CCDC66: variants seen among roughly 807,000 people sequenced by gnomAD.
CCDC66 encodes coiled-coil domain containing 66.
A neutral mutation model predicts 128.3 loss-of-function variants in CCDC66; 133 were observed. The observed-to-expected ratio is 1.04, with a 90% CI of 0.90 to 1.20. The LOEUF (loss-of-function observed/expected upper bound fraction) is 1.20, where lower values mean the gene tolerates loss of function less well. CCDC66 is among the 50% of genes most tolerant of loss of function. The pLI, the probability that CCDC66 is intolerant of heterozygous loss-of-function variation, is 0.00. For synonymous variants in CCDC66, 387 were observed against 357.0 expected (o/e 1.08, Z -0.95); for missense variants, 1,126 against 1,075.5 (o/e 1.05, Z -0.66).
chr3:56,601,599 C>G (rs2073181311), intron 10 of CCDC66, among the ~76,000 whole-genome samples: 1 of 152,026 alleles, frequency 6.6e-6, no homozygotes, highest in African/African-American at 2.4e-5. Context: ...TTCTTCCTAT[C>G]CATGAGTATG....
intron 10 of CCDC66, among the ~76,000 whole-genome samples, chr3:56,596,208 C>T (rs1183384231): frequency 6.6e-5 from 10 of 152,146 alleles, no homozygotes; most frequent in African/African-American, 1.2e-4. Context: ...CATGAGCCAC[C>T]GGGCCCAGCA....
chr3:56,591,824 G>A (rs2070954519), intron 7 of CCDC66, among the ~76,000 whole-genome samples: 1 of 152,116 alleles, frequency 6.6e-6, no homozygotes, highest in African/African-American at 2.4e-5. Flanking sequence ...TGAGCTTTGT[G>A]ATCTTTTCTG....
intron 6 of CCDC66, chr3:56,569,906 C>T (rs1295832881): frequency 6.6e-6 from 1 of 152,232 alleles, no homozygotes; most frequent in African/African-American, 2.4e-5. Context: ...ACCATCTCAG[C>T]TCACTGCAAC....
At chr3:56,573,464 A>G (rs1390089915) in intron 7 of CCDC66, among the ~76,000 whole-genome samples, 1 of 152,240 alleles carries the variant, frequency 6.6e-6, no homozygotes, top group Non-Finnish European at 1.5e-5. Context: ...AAGTGGCTGA[A>G]TATACGTATT....
intron 10 of CCDC66, among the ~76,000 whole-genome samples, chr3:56,601,739 T>C (rs2073204451): frequency 6.6e-6 from 1 of 152,072 alleles, no homozygotes; most frequent in Non-Finnish European, 1.5e-5. Context: ...GTAGCAGTTG[T>C]GAATGGGAGT....
Position 56,615,281 on chromosome 3 carries a change from C to T in CCDC66, c.1711+9C>T, listed in dbSNP as rs6807408. 8,399 of 1,582,722 alleles carry T rather than the reference C, an allele frequency of 5.3e-3. 243 individuals are homozygous for T. The highest frequency in any genetic ancestry group is 0.052 in the South Asian group (4,451 of 85,392). ...GATTAAAAATCTTGGTGGTAAGGGC[C>T]TAACCAGAACTTTATTTATAATATT... is the stretch of plus-strand genomic sequence containing the variant. On this transcript the variant is annotated intron_variant, in intron 12 of 17. Transcript: ENST00000394672.
chr3:56,584,620 G>A (rs1323354911), intron 7 of CCDC66, among the ~76,000 whole-genome samples: 1 of 151,582 alleles, frequency 6.6e-6, no homozygotes, highest in East Asian at 2.0e-4. Flanking sequence ...GGGCGGCCGG[G>A]CAGAGGGGCT....
intron 7 of CCDC66, among the ~76,000 whole-genome samples, chr3:56,586,930 C>G (rs1210642672): frequency 6.6e-6 from 1 of 151,686 alleles, no homozygotes; most frequent in Non-Finnish European, 1.5e-5. Context: ...GTGGGATGTT[C>G]CTGTAGTCCT....
chr3:56,601,725 C>T (rs182001534), intron 10 of CCDC66, among the ~76,000 whole-genome samples: 4 of 152,046 alleles, frequency 2.6e-5, no homozygotes, highest in African/African-American at 9.7e-5. Context: ...ATTTTATTCT[C>T]TTAGTAGCAG....
upstream of CCDC66, chr3:56,557,158 T>C (rs1213951735): frequency 5.9e-6 from 9 of 1,537,754 alleles, no homozygotes; most frequent in African/African-American, 1.4e-5. Flanking sequence ...CTATATCCAA[T>C]TGGCGTAGCG....
At chr3:56,609,336 A>G (rs1202217772) in intron 10 of CCDC66, among the ~76,000 whole-genome samples, 1 of 152,170 alleles carries the variant, frequency 6.6e-6, no homozygotes, top group Admixed American at 6.5e-5. Context: ...GCCTTTTACT[A>G]TTATGTAATG....
intron 10 of CCDC66, among the ~76,000 whole-genome samples, chr3:56,601,883 G>A (rs1466588049): frequency 2.6e-5 from 4 of 152,034 alleles, no homozygotes; most frequent in Non-Finnish European, 4.4e-5. Context: ...AGACAATGGG[G>A]TTTTCTAAAT....
At chr3:56,563,483 A>G (rs567470968) in intron 3 of CCDC66, 33 of 542,132 alleles carry the variant, frequency 6.1e-5, no homozygotes, top group East Asian at 6.1e-4. Context: ...TATAACAACT[A>G]TAATAAAAGT....
intron 11 of CCDC66, 36 bp downstream of exon 11, chr3:56,613,786 T>C: frequency 1.9e-6 from 3 of 1,570,718 alleles, no homozygotes; most frequent in Non-Finnish European, 2.6e-6. Context: ...CTTTGGTTTT[T>C]GTTTGTGTTT....
Position 56,564,092 on chromosome 3 carries a change from C to CT in CCDC66, c.514dup (p.Ser172PhefsTer4). 6.2e-7 allele frequency: 1 copy of CT among 1,603,628 alleles called. No individual in the cohort carries two copies. Among genetic ancestry groups the CT allele is most frequent in the Non-Finnish European group, 8.5e-7 (1 of 1,175,076 alleles). ...GACTGTAAACCAAGGAAATAGATCT[C>CT]TTTCCCTGACTGAGAATGGAAAGGA... On this transcript the variant is annotated frameshift_variant, in exon 4 of 18. Transcript: ENST00000394672. LOFTEE classifies it high-confidence loss of function.
Position 56,619,922 on chromosome 3 carries a change from A to T in CCDC66, c.2760+21A>T, listed in dbSNP as rs374423215. 4.3e-6 allele frequency: 7 copies of T among 1,610,904 alleles called. No homozygotes were observed. The African/African-American group carries it at 8.0e-5, about 18-fold the overall frequency. ...GACAGGTATGAGCTTTTTCAAGTGT[A>T]GATATGTCTGTTCTTTATGTGGCGT... On this transcript the variant is annotated intron_variant, in intron 17 of 17. Coordinates refer to ENST00000394672, the MANE Select transcript of CCDC66 (RefSeq NM_001141947.3).
chr3:56,609,830 A>G (rs921699602), intron 10 of CCDC66, among the ~76,000 whole-genome samples: 1 of 152,130 alleles, frequency 6.6e-6, no homozygotes. Flanking sequence ...AAATGACTAT[A>G]TGATGCTTAG....
rs547552195 is a variant in CCDC66 at position 56,603,292 on chromosome 3, C to G, written c.1404+9264C>G. 2.0e-5 allele frequency among the ~76,000 whole-genome samples: 3 copies of G among 152,060 alleles called. No homozygotes were observed. In the East Asian group the frequency reaches 5.8e-4, roughly 29 times the overall value. The stretch of plus-strand genomic sequence containing the variant: ...TTTCGTGTCTGTATCTCCTACAGTT[C>G]TGCTCTAATCTTAGTTATTTCTTGT... On this transcript the variant is annotated intron_variant, in intron 10 of 17. Transcript: ENST00000394672.
chr3:56,617,259 A>G lies in CCDC66; in HGVS notation c.1991A>G (p.Gln664Arg), dbSNP rs769695254. 6.2e-7 allele frequency: 1 copy of G among 1,613,838 alleles called. No individual in the cohort carries two copies. Among genetic ancestry groups the G allele is most frequent in the Non-Finnish European group, 8.5e-7 (1 of 1,179,926 alleles). Residue 664 changes from glutamine to arginine, a missense_variant, in exon 14 of 18, where the codon CAG (glutamine) becomes CGG (arginine). Transcript: ENST00000394672. ...STKKNKQELT[Q>R]DKGASLEKEN... is the part of the protein sequence containing the mutation. ...AAGAAAAACAAGCAAGAACTAACTC[A>G]GGATAAAGGAGCCAGCTTAGAAAAA...
Sources: allele counts gnomAD v4.1 joint callset (sites outside exome capture counted in the v4.1 genomes callset), GRCh38; gene constraint gnomAD v4.1.1; transcripts MANE v1.5; gene names NCBI Gene and HGNC (gene_info 2026-07-23, HGNC 2026-07-21).